MICAL2: variants seen among roughly 807,000 people sequenced by gnomAD.
MICAL2 encodes the protein [F-actin]-monooxygenase MICAL2.
MICAL2 carries 77 observed loss-of-function variants against 127.3 expected under a neutral mutation model. That is an observed-to-expected ratio of 0.60 (90% CI 0.50 to 0.73). The LOEUF (loss-of-function observed/expected upper bound fraction) is 0.73. Ranked by LOEUF, MICAL2 falls within the 30% of genes least tolerant of loss-of-function variation. The probability of loss-of-function intolerance (pLI) is 0.00; values close to 1 mark genes in which losing one functional copy is unlikely to be tolerated. For missense variants in MICAL2, 1,351 were observed against 1,434.4 expected, an observed-to-expected ratio of 0.94 and a Z score of 0.94; for synonymous variants, 570 against 551.1, an observed-to-expected ratio of 1.03 and a Z score of -0.48.
chr11:12,283,343 TAAA>T (rs56832587), intron 2 of MICAL2, among the ~76,000 whole-genome samples: 75 of 132,548 alleles, frequency 5.7e-4, no homozygotes, highest in African/African-American at 1.2e-3. Context: ...GTGTGGAGTT[TAAA>T]AAAAAAAAAA....
At chr11:12,286,965 T>G (rs959599540) in intron 2 of MICAL2, 19 of 395,662 alleles carry the variant, frequency 4.8e-5, no homozygotes, top group Non-Finnish European at 8.5e-5. Flanking sequence ...TTCAGTCTAT[T>G]ATAATCATTA....
At chr11:12,270,663 G>C (rs1284748931) in intron 24 of MICAL2, among the ~76,000 whole-genome samples, 1 of 152,200 alleles carries the variant, frequency 6.6e-6, no homozygotes, top group African/African-American at 2.4e-5. Context: ...TTCCTGACTG[G>C]ATCCTGATCC....
At position 12,324,008 on chromosome 11, in the gene MICAL2, C is replaced by T. The variant is rs983427716; in HGVS notation, c.5359C>T (p.Leu1787=). The T allele has an allele frequency of 5.0e-6, 8 of 1,610,472 alleles. No individual in the cohort carries two copies. The African/African-American group carries it at 8.0e-5, about 16-fold the overall frequency. ...GAAGACACTTAGAAGAAGAAAGAAG[C>T]TAGAAAAAGCAATGAAGCAGTTGGT... The change falls in exon 31 of 35, where the codon CTA becomes TTA. Residue 1787 remains leucine, a synonymous_variant. Coordinates refer to the MICAL2 transcript ENST00000646065.
In MICAL2 at chr11:12,353,171, C is replaced by T. The variant is rs146144821; in HGVS notation, c.5616-1613C>T. On this transcript the variant is annotated intron_variant, in intron 33 of 34. Coordinates refer to the MICAL2 transcript ENST00000646065. ...GTAACCGGGTATAACAAAGCGACCCCAGCACCTATAGGGGTGATGTGTGAT... is the reference window on the plus strand; with the variant it reads ...GTAACCGGGTATAACAAAGCGACCCTAGCACCTATAGGGGTGATGTGTGAT... Among the ~76,000 whole-genome samples the T allele has an allele frequency of 2.1e-4, 32 of 152,286 alleles. No homozygotes were observed. The East Asian group carries it at 5.0e-3, about 24-fold the overall frequency.
downstream of MICAL2, among the ~76,000 whole-genome samples, chr11:12,295,950 G>T (rs931185135): frequency 1.3e-5 from 2 of 151,836 alleles, no homozygotes; most frequent in South Asian, 2.1e-4. Context: ...AAACACTTAC[G>T]CATATTTGCA....
downstream of MICAL2, among the ~76,000 whole-genome samples, chr11:12,265,286 C>CT (rs569106977): frequency 3.9e-3 from 593 of 152,194 alleles, 4 homozygotes; most frequent in African/African-American, 0.014. Context: ...TTTTGGTTTG[C>CT]TTTTTTTGAA....
intron 1 of MICAL2, among the ~76,000 whole-genome samples, chr11:12,134,874 G>A (rs754340160): frequency 6.6e-4 from 100 of 152,172 alleles, no homozygotes; most frequent in Non-Finnish European, 2.2e-4. Context: ...TTTCGAGGAG[G>A]CTCAAAGATT....
chr11:12,356,513 C>T (rs1458174487), intron 34 of MICAL2, among the ~76,000 whole-genome samples: 4 of 152,058 alleles, frequency 2.6e-5, no homozygotes, highest in African/African-American at 4.8e-5. Context: ...TTATTGAGTC[C>T]CCTCATGGCA....
upstream of MICAL2, among the ~76,000 whole-genome samples, chr11:12,274,020 A>AGGCTGGG (rs1863699415): frequency 6.6e-6 from 1 of 152,154 alleles, no homozygotes; most frequent in Admixed American, 6.6e-5. Context: ...AAGAAAGAGT[A>AGGCTGGG]GGCTGGGGGC....
At chr11:12,189,605 C>G (rs763020170) in intron 3 of MICAL2, among the ~76,000 whole-genome samples, 3 of 152,212 alleles carry the variant, frequency 2.0e-5, no homozygotes, top group Non-Finnish European at 2.9e-5. Context: ...CCCCCACTAC[C>G]TCCACCACCT....
intron 21 of MICAL2, among the ~76,000 whole-genome samples, chr11:12,244,462 C>T (rs551003955): frequency 8.5e-4 from 130 of 152,316 alleles, no homozygotes; most frequent in African/African-American, 3.1e-3. Flanking sequence ...AAATAAGTGA[C>T]ATTTTTATAA....
At chr11:12,178,047 G>A (rs1011618220) in intron 3 of MICAL2, among the ~76,000 whole-genome samples, 3 of 152,250 alleles carry the variant, frequency 2.0e-5, no homozygotes, top group Admixed American at 1.3e-4. Flanking sequence ...GATGAAGGCT[G>A]CTGCCTGAAA....
At position 12,330,929 on chromosome 11, in the gene MICAL2, G is replaced by GTT. The variant is rs1864419840; in HGVS notation, c.5515+3664_5515+3665insTT. 5.3e-5 allele frequency among the ~76,000 whole-genome samples: 8 copies of GTT among 149,552 alleles called. No homozygotes were observed. In the South Asian group the frequency reaches 1.7e-3, roughly 32 times the overall value. On this transcript the variant is annotated intron_variant, in intron 32 of 34. Transcript: ENST00000646065. ...TGTGTGTGTGTGTGTGTGTGTGTGT[G>GTT]TGTCTGTATGTGTGTGTCTGTGTGT...
intron 29 of MICAL2, among the ~76,000 whole-genome samples, chr11:12,306,606 T>C (rs1217045993): frequency 3.3e-5 from 5 of 152,362 alleles, no homozygotes. Flanking sequence ...CATGACTCTT[T>C]AGAATTAATC....
chr11:12,165,965 G>T (rs1191695258), intron 3 of MICAL2, among the ~76,000 whole-genome samples: 3 of 152,210 alleles, frequency 2.0e-5, no homozygotes, highest in Non-Finnish European at 2.9e-5. Flanking sequence ...GTTTGGATAA[G>T]AATGAGGGTG....
At chr11:12,334,524 A>G (rs893482054) in intron 32 of MICAL2, among the ~76,000 whole-genome samples, 3 of 151,674 alleles carry the variant, frequency 2.0e-5, no homozygotes, top group Non-Finnish European at 2.9e-5. Context: ...ATATGTATAC[A>G]TGTGCCATGT....
chr11:12,154,370 C>T (rs1853931512), intron 2 of MICAL2, among the ~76,000 whole-genome samples: 1 of 152,046 alleles, frequency 6.6e-6, no homozygotes. Flanking sequence ...ACAGGAAGCC[C>T]ACCTCCTGTT....
At chr11:12,195,069 A>C (rs1230988735) in intron 3 of MICAL2, among the ~76,000 whole-genome samples, 1 of 152,142 alleles carries the variant, frequency 6.6e-6, no homozygotes, top group Non-Finnish European at 1.5e-5. Context: ...CAGCCTAGGC[A>C]ACATAGGGAG....
At chr11:12,204,514 C>A in intron 4 of MICAL2, 57 bp downstream of exon 4, 1 of 1,539,136 alleles carries the variant, frequency 6.5e-7, no homozygotes, top group Admixed American at 1.7e-5. Context: ...CTGGGTGGGA[C>A]ATATCTCTCC....
Sources: allele counts gnomAD v4.1 joint callset (sites outside exome capture counted in the v4.1 genomes callset), GRCh38; gene constraint gnomAD v4.1.1; transcripts MANE v1.5; gene names NCBI Gene and HGNC (gene_info 2026-07-23, HGNC 2026-07-21).